Variants in LIMS1 observed in about 807,000 individuals in gnomAD.
The protein encoded by LIMS1 is LIM and senescent cell antigen-like-containing domain protein 1.
Under a neutral mutation model 44.1 loss-of-function variants are expected in LIMS1, and 18 were observed. The observed-to-expected ratio is 0.41, with a 90% CI of 0.28 to 0.61. The LOEUF (loss-of-function observed/expected upper bound fraction) is 0.61. Among genes scored for constraint, LIMS1 ranks in the 20% least tolerant of loss-of-function variants. The pLI is 0.32. For synonymous variants in LIMS1, 93 were observed against 149.1 expected (o/e 0.62, Z 2.74); for missense variants, 201 against 422.0 (o/e 0.48, Z 4.59).
chr2:108,627,673 G>A (rs542474768), intron 1 of LIMS1, among the ~76,000 whole-genome samples: 1 of 152,204 alleles, frequency 6.6e-6, no homozygotes, highest in East Asian at 1.9e-4. Flanking sequence ...CCTGACTTTG[G>A]ATAGATGTTA....
intron 2 of LIMS1, among the ~76,000 whole-genome samples, chr2:108,661,048 G>T (rs547201274): frequency 4.0e-4 from 55 of 137,538 alleles, no homozygotes; most frequent in Admixed American, 6.9e-4. Context: ...TAAGTCCATT[G>T]TATGCCACTC....
intron 1 of LIMS1, among the ~76,000 whole-genome samples, chr2:108,557,365 A>G (rs1178261894): frequency 1.3e-5 from 2 of 150,380 alleles, no homozygotes; most frequent in Non-Finnish European, 3.0e-5. Flanking sequence ...GTGTGAGCCA[A>G]CACGCCCAGC....
intron 5 of LIMS1, chr2:108,673,451 A>G (rs529138959): frequency 8.2e-5 from 20 of 243,466 alleles, no homozygotes; most frequent in African/African-American, 3.5e-4. Flanking sequence ...GCAGTGGGCA[A>G]TCAGAGCTCA....
exon 10 of LIMS1, chr2:108,685,338 G>C (rs1693243888): frequency 6.6e-6 from 1 of 152,106 alleles, no homozygotes; most frequent in African/African-American, 2.4e-5. Context: ...ACTTGTTAAT[G>C]GAAAGCGAGC....
At chr2:108,588,011 T>C (rs956023950) in intron 1 of LIMS1, among the ~76,000 whole-genome samples, 1 of 152,216 alleles carries the variant, frequency 6.6e-6, no homozygotes, top group Non-Finnish European at 1.5e-5. Flanking sequence ...GTAGTTATTA[T>C]AGAGATCCAG....
At chr2:108,684,357 ATTAAT>A (rs2149029652) in exon 10 of LIMS1, 1 of 152,978 alleles carries the variant, frequency 6.5e-6, no homozygotes, top group African/African-American at 2.4e-5. Flanking sequence ...CAGTATAAAC[ATTAAT>A]TTACTTTGTG....
At chr2:108,612,694 C>G (rs756910091) in intron 1 of LIMS1, among the ~76,000 whole-genome samples, 1 of 152,088 alleles carries the variant, frequency 6.6e-6, no homozygotes, top group African/African-American at 2.4e-5. Context: ...GAGCACCTCA[C>G]GAGGCTCCTT....
At chr2:108,558,320 C>A (rs539720699) in intron 1 of LIMS1, among the ~76,000 whole-genome samples, 2 of 151,862 alleles carry the variant, frequency 1.3e-5, no homozygotes, top group South Asian at 4.2e-4. Flanking sequence ...TGGGTTCACG[C>A]CATTCTCCTG....
At chr2:108,557,532 T>G (rs867599841) in intron 1 of LIMS1, among the ~76,000 whole-genome samples, 3 of 152,070 alleles carry the variant, frequency 2.0e-5, no homozygotes, top group African/African-American at 7.2e-5. Context: ...TTTTTTTTTT[T>G]GAGAGACCTA....
At chr2:108,635,092 G>A (rs1409616768) in intron 1 of LIMS1, among the ~76,000 whole-genome samples, 1 of 152,084 alleles carries the variant, frequency 6.6e-6, no homozygotes, top group Admixed American at 6.5e-5. Context: ...TTCTGGCCCT[G>A]ACTTGAACAA....
intron 1 of LIMS1, among the ~76,000 whole-genome samples, chr2:108,581,937 C>CAAA (rs1412535889): frequency 9.7e-6 from 1 of 103,448 alleles, no homozygotes; most frequent in Non-Finnish European, 2.0e-5. Flanking sequence ...AACTCCATCT[C>CAAA]AAAAAAAAAA....
intron 8 of LIMS1, among the ~76,000 whole-genome samples, 148 bp from the exon 9 acceptor site, chr2:108,680,540 TAAAAAAA>T (rs772500201): frequency 4.9e-5 from 4 of 81,586 alleles, no homozygotes; most frequent in Non-Finnish European, 9.7e-5. Context: ...CTGTCTCATT[TAAAAAAA>T]AAAAAAAAAA....
intron 2 of LIMS1, chr2:108,660,125 C>T: frequency 2.1e-6 from 1 of 471,110 alleles, no homozygotes; most frequent in South Asian, 1.7e-5. Flanking sequence ...TCACCCACTC[C>T]TGTCTCTGTG....
intron 1 of LIMS1, among the ~76,000 whole-genome samples, chr2:108,633,660 A>C (rs1214823941): frequency 6.6e-6 from 1 of 152,178 alleles, no homozygotes; most frequent in Non-Finnish European, 1.5e-5. Context: ...CTTTACTAAT[A>C]GTTGGTTAAA....
At chr2:108,663,528 C>G (rs1410825067) in intron 2 of LIMS1, among the ~76,000 whole-genome samples, 1 of 152,126 alleles carries the variant, frequency 6.6e-6, no homozygotes, top group East Asian at 1.9e-4. Flanking sequence ...CCAACAGTTA[C>G]AAGAGTGATT....
rs1040431919 is a variant in LIMS1, at chr2:108,570,064, A to C, written c.32+35470A>C. Among the ~76,000 whole-genome samples the C allele has an allele frequency of 2.6e-5, 4 of 152,334 alleles. No homozygotes were observed. In the South Asian group the frequency reaches 6.2e-4, roughly 24 times the overall value. ...GATAATATATTTACAGGAATTATGG[A>C]GAACTTATTTGACAGATATAGAGGA... On this transcript the variant is annotated intron_variant, in intron 1 of 9. Transcript: ENST00000544547.
At chr2:108,583,022 GT>G (rs1230517148) in intron 1 of LIMS1, among the ~76,000 whole-genome samples, 7 of 151,728 alleles carry the variant, frequency 4.6e-5, no homozygotes, top group Admixed American at 3.3e-4. Flanking sequence ...AAAAAGGGGT[GT>G]TTTTTGTTGT....
intron 1 of LIMS1, among the ~76,000 whole-genome samples, chr2:108,564,398 C>T (rs564001909): frequency 1.3e-5 from 2 of 152,218 alleles, no homozygotes; most frequent in Admixed American, 6.5e-5. Flanking sequence ...TATTGTGATA[C>T]GCACTCCATT....
intron 7 of LIMS1, chr2:108,677,640 C>T (rs1038605366): frequency 2.1e-5 from 6 of 289,090 alleles, no homozygotes; most frequent in Non-Finnish European, 3.8e-5. Flanking sequence ...ATGCCCTCCA[C>T]CCATAGTCTG....
Sources: allele counts gnomAD v4.1 joint callset (sites outside exome capture counted in the v4.1 genomes callset), GRCh38; gene constraint gnomAD v4.1.1; transcripts MANE v1.5; gene names NCBI Gene and HGNC (gene_info 2026-07-23, HGNC 2026-07-21).